The following GNG7 variants were observed in gnomAD, a reference collection of about 807,000 sequenced individuals.
The protein encoded by GNG7 is G protein subunit gamma 7.
Under a neutral mutation model 4.0 loss-of-function variants are expected in GNG7, and 1 was observed. The observed-to-expected ratio is 0.25, with a 90% CI of 0.09 to 1.18. The LOEUF (loss-of-function observed/expected upper bound fraction) is 1.18, where lower values mean the gene tolerates loss of function less well. Among genes scored for constraint, GNG7 ranks in the 50% most tolerant of loss-of-function variants. The pLI is 0.50. For synonymous variants in GNG7, 34 were observed against 36.9 expected, an observed-to-expected ratio of 0.92 and a Z score of 0.29; for missense variants, 86 against 91.9, an observed-to-expected ratio of 0.94 and a Z score of 0.26.
At position 2,622,651 on chromosome 19, in the gene GNG7, A is replaced by T. The variant is rs1236819376; in HGVS notation, c.-78+23573T>A. On this transcript the variant is annotated intron_variant, in intron 2 of 4. Transcript: ENST00000382159. ...GCGGCAGAGAGGGGGGCTTCCGGGA[A>T]GGGGAACCCAACGCGAGCAACGCGG... Among the ~76,000 whole-genome samples the T allele has an allele frequency of 6.8e-3, 853 of 124,620 alleles. 10 individuals carry two copies. The highest frequency in any genetic ancestry group is 0.01 in the African/African-American group (296 of 29,300). 81.8% of individuals were successfully genotyped at this position (124,620 alleles called of 152,430 possible).
intron 1 of GNG7, among the ~76,000 whole-genome samples, chr19:2,681,569 A>C (rs1305757487): frequency 6.6e-6 from 1 of 152,140 alleles, no homozygotes; most frequent in African/African-American, 2.4e-5. Context: ...TCACCGGGCC[A>C]GATCCTTCTT....
intron 3 of GNG7, chr19:2,538,096 A>AAAACAAAAC (rs1978808076): frequency 4.4e-6 from 2 of 454,330 alleles, no homozygotes; most frequent in Non-Finnish European, 4.4e-6. Flanking sequence ...AAAACAAAAC[A>AAAACAAAAC]AAACAAAACA....
chr19:2,559,671 T>A (rs1157521054), intron 2 of GNG7, among the ~76,000 whole-genome samples: 2 of 144,234 alleles, frequency 1.4e-5, no homozygotes, highest in Non-Finnish European at 1.5e-5. Context: ...TGCACCGCCA[T>A]GCCCAGCTAA....
At chr19:2,586,981 T>A in intron 2 of GNG7, among the ~76,000 whole-genome samples, 1 of 74,460 alleles carries the variant, frequency 1.3e-5, no homozygotes, top group East Asian at 4.6e-4. Context: ...CGGGACTCCA[T>A]CTCAAAAAAA....
chr19:2,577,178 T>A (rs1980366944), intron 2 of GNG7, among the ~76,000 whole-genome samples: 1 of 152,158 alleles, frequency 6.6e-6, no homozygotes, highest in Non-Finnish European at 1.5e-5. Flanking sequence ...CCAACACACA[T>A]CCACTTAGTA....
At chr19:2,560,295 G>A (rs568086492) in intron 2 of GNG7, among the ~76,000 whole-genome samples, 4 of 152,202 alleles carry the variant, frequency 2.6e-5, no homozygotes, top group Admixed American at 1.3e-4. Flanking sequence ...GGGCCTGGCC[G>A]TGGCAGGAAG....
chr19:2,661,360 GAAAT>G (rs1983173571), intron 1 of GNG7, among the ~76,000 whole-genome samples: 2 of 150,958 alleles, frequency 1.3e-5, no homozygotes, highest in African/African-American at 4.9e-5. Context: ...AAGAAAGAAA[GAAAT>G]GGGCCCTCCA....
intron 1 of GNG7, among the ~76,000 whole-genome samples, chr19:2,656,286 T>C (rs1005252649): frequency 6.6e-6 from 1 of 152,184 alleles, no homozygotes; most frequent in African/African-American, 2.4e-5. Context: ...CCAACCTACA[T>C]GTCCATCGTT....
chr19:2,535,036 C>T (rs1978693325), intron 3 of GNG7, among the ~76,000 whole-genome samples: 1 of 152,194 alleles, frequency 6.6e-6, no homozygotes, highest in Admixed American at 6.5e-5. Context: ...ACCCCATGGA[C>T]CAGTCAAGTT....
chr19:2,667,592 A>G (rs2144885263), intron 1 of GNG7, among the ~76,000 whole-genome samples: 1 of 152,286 alleles, frequency 6.6e-6, no homozygotes, highest in East Asian at 1.9e-4. Flanking sequence ...CAGCTGGACA[A>G]CACAGTGAGA....
intron 2 of GNG7, among the ~76,000 whole-genome samples, chr19:2,586,020 G>A (rs1407251823): frequency 6.6e-6 from 1 of 152,154 alleles, no homozygotes; most frequent in Non-Finnish European, 1.5e-5. Context: ...TGATTTTTCA[G>A]TATCCCTTTT....
At chr19:2,605,706 G>T (rs1237715144) in intron 2 of GNG7, among the ~76,000 whole-genome samples, 1 of 150,614 alleles carries the variant, frequency 6.6e-6, no homozygotes, top group Non-Finnish European at 1.5e-5. Context: ...TAGAGACGGG[G>T]TTTCACCATG....
In GNG7 at chr19:2,514,264, A is replaced by G. The variant is rs1972695862; in HGVS notation, c.*758T>C. 1 of 152,176 alleles carries G rather than the reference A, an allele frequency of 6.6e-6. No individual in the cohort carries two copies. The highest frequency in any genetic ancestry group is 2.4e-5 in the African/African-American group (1 of 41,380). The allele number at this position is 152,176 out of a possible 1,614,324, so 9.4% of individuals were successfully genotyped here. A position where few individuals can be genotyped will look rare whatever the true frequency, so the allele number is the denominator to read the frequency against. ...GGGCCGGTGACGGCTTCCCTGGGGCAAGTCCCGAAAACCCATTTCTGGCAC... is the reference window on the plus strand; with the variant it reads ...GGGCCGGTGACGGCTTCCCTGGGGCGAGTCCCGAAAACCCATTTCTGGCAC... On this transcript the variant is annotated 3_prime_UTR_variant, in exon 5 of 5. Coordinates refer to ENST00000382159, the MANE Select transcript of GNG7 (RefSeq NM_052847.3).
At chr19:2,604,996 G>A (rs958437750) in intron 2 of GNG7, among the ~76,000 whole-genome samples, 4 of 152,146 alleles carry the variant, frequency 2.6e-5, no homozygotes, top group African/African-American at 9.7e-5. Context: ...TAAAACAATG[G>A]AAATGGATTC....
intron 3 of GNG7, among the ~76,000 whole-genome samples, chr19:2,545,607 C>T (rs8110827): frequency 0.081 from 11,637 of 143,434 alleles, 556 homozygotes; most frequent in South Asian, 0.15. Context: ...GCCAAGATTG[C>T]GCCACTATAC....
chr19:2,545,777 A>G (rs1979104749), intron 3 of GNG7, among the ~76,000 whole-genome samples: 1 of 151,626 alleles, frequency 6.6e-6, no homozygotes, highest in East Asian at 1.9e-4. Flanking sequence ...AACACGGTGA[A>G]ACCCCCTCTC....
At position 2,553,818 on chromosome 19, in the gene GNG7, A is replaced by G. The variant is rs957963202; in HGVS notation, c.-38+1331T>C. Among the ~76,000 whole-genome samples, 11 of 95,452 alleles carry G rather than the reference A, an allele frequency of 1.2e-4. 1 individual carries two copies. Among genetic ancestry groups the G allele is most frequent in the Admixed American group, 1.4e-4 (1 of 7,338 alleles). The allele number at this position is 95,452 out of a possible 152,430, so 62.6% of individuals were successfully genotyped here. A position where few individuals can be genotyped will look rare whatever the true frequency, so the allele number is the denominator to read the frequency against. On this transcript the variant is annotated intron_variant, in intron 3 of 4. Coordinates refer to ENST00000382159, the MANE Select transcript of GNG7 (RefSeq NM_052847.3). Reference sequence around the variant, plus strand: ...ACGTATCATGTGTAATATATCACATACATGTACATATTATATGTAATATTG... The same window carrying G: ...ACGTATCATGTGTAATATATCACATGCATGTACATATTATATGTAATATTG...
chr19:2,666,109 G>C (rs1479592002), intron 1 of GNG7, among the ~76,000 whole-genome samples: 2 of 152,070 alleles, frequency 1.3e-5, no homozygotes, highest in Non-Finnish European at 2.9e-5. Flanking sequence ...CAGGTGATCT[G>C]CCTGCTTCAG....
intron 1 of GNG7, among the ~76,000 whole-genome samples, chr19:2,655,838 G>GAAAAA (rs56041767): frequency 9.1e-5 from 5 of 54,716 alleles, no homozygotes; most frequent in Non-Finnish European, 1.3e-4. Flanking sequence ...GGCTCCGTCT[G>GAAAAA]AAAAAAAAAA....
Sources: allele counts gnomAD v4.1 joint callset (sites outside exome capture counted in the v4.1 genomes callset), GRCh38; gene constraint gnomAD v4.1.1; transcripts MANE v1.5; gene names NCBI Gene and HGNC (gene_info 2026-07-23, HGNC 2026-07-21).